METTL8: variants seen among roughly 807,000 people sequenced by gnomAD.
The protein encoded by METTL8 is tRNA N(3)-cytidine methyltransferase METTL8, mitochondrial.
In METTL8, 32 loss-of-function variants were observed where a neutral mutation model predicts 48.7. The ratio of observed to expected loss-of-function variants is 0.66; its 90% confidence interval spans 0.50 to 0.88. The LOEUF (loss-of-function observed/expected upper bound fraction) is 0.88, where lower values mean the gene tolerates loss of function less well. Among genes scored for constraint, METTL8 ranks in the 40% least tolerant of loss-of-function variants. The probability of loss-of-function intolerance (pLI) is 0.00; values close to 1 mark genes in which losing one functional copy is unlikely to be tolerated. For missense variants in METTL8, 464 were observed against 474.4 expected, an observed-to-expected ratio of 0.98 and a Z score of 0.20; for synonymous variants, 136 against 157.1, an observed-to-expected ratio of 0.87 and a Z score of 1.01.
chr2:171,340,698 G>T (rs1429931624), intron 3 of METTL8, among the ~76,000 whole-genome samples: 3 of 151,830 alleles, frequency 2.0e-5, no homozygotes, highest in South Asian at 4.2e-4. Context: ...GAGCTAAAAG[G>T]GTCCATTGGA....
At chr2:171,428,503 A>G (rs1692646489) in intron 1 of METTL8, among the ~76,000 whole-genome samples, 1 of 152,202 alleles carries the variant, frequency 6.6e-6, no homozygotes, top group East Asian at 1.9e-4. Flanking sequence ...TAAAAAAAAA[A>G]AAAGTACTTA....
At chr2:171,348,355 A>C (rs187209244) in intron 3 of METTL8, among the ~76,000 whole-genome samples, 10 of 152,318 alleles carry the variant, frequency 6.6e-5, no homozygotes, top group Non-Finnish European at 1.0e-4. Context: ...CAACACTGTG[A>C]CTATAGCTCA....
intron 2 of METTL8, among the ~76,000 whole-genome samples, chr2:171,388,155 C>T (rs1032019353): frequency 3.9e-5 from 6 of 152,204 alleles, no homozygotes; most frequent in Admixed American, 1.3e-4. Flanking sequence ...TCAGAGTCAA[C>T]TTCTTCCTTT....
intron 3 of METTL8, among the ~76,000 whole-genome samples, chr2:171,351,409 T>C (rs1380219571): frequency 2.0e-5 from 3 of 152,206 alleles, no homozygotes; most frequent in African/African-American, 7.2e-5. Flanking sequence ...TGCCTCCAGG[T>C]TTGCTCTTTT....
chr2:171,364,533 T>C (rs1685527798), intron 2 of METTL8, among the ~76,000 whole-genome samples: 1 of 152,174 alleles, frequency 6.6e-6, no homozygotes, highest in Admixed American at 6.5e-5. Flanking sequence ...GCCCTATAAT[T>C]TGTTTGTATA....
chr2:171,370,650 G>T (rs543512434), intron 2 of METTL8, among the ~76,000 whole-genome samples: 2 of 152,196 alleles, frequency 1.3e-5, no homozygotes, highest in South Asian at 4.1e-4. Context: ...AATTAGCCGG[G>T]TGTGGTGGTG....
chr2:171,327,307 T>A (rs75464002), intron 7 of METTL8, among the ~76,000 whole-genome samples: 1 of 152,232 alleles, frequency 6.6e-6, no homozygotes, highest in Non-Finnish European at 1.5e-5. Flanking sequence ...AGGGATGGCA[T>A]AGATTTCAGA....
At chr2:171,333,407 A>G (rs1685757211) in intron 5 of METTL8, among the ~76,000 whole-genome samples, 1 of 152,166 alleles carries the variant, frequency 6.6e-6, no homozygotes, top group South Asian at 2.1e-4. Context: ...CTCAGATTAT[A>G]TTCTTAAAGG....
intron 3 of METTL8, among the ~76,000 whole-genome samples, chr2:171,342,413 T>C (rs1268474946): frequency 5.9e-5 from 9 of 152,264 alleles, no homozygotes; most frequent in Non-Finnish European, 2.9e-5. Flanking sequence ...TCTGAAACTA[T>C]ATATTTGTCT....
intron 2 of METTL8, 48 bp from the exon 3 acceptor site, chr2:171,360,561 G>A (rs761080876): frequency 8.5e-6 from 13 of 1,525,968 alleles, no homozygotes; most frequent in Admixed American, 1.8e-5. Flanking sequence ...ATTGAAGAAG[G>A]CAGAAAAAAG....
At chr2:171,369,482 G>A (rs1331664541) in intron 2 of METTL8, among the ~76,000 whole-genome samples, 16 of 152,208 alleles carry the variant, frequency 1.1e-4, no homozygotes, top group Admixed American at 9.2e-4. Flanking sequence ...TTACACTTTT[G>A]GGAATATACA....
rs780873428 is a variant in METTL8, at chr2:171,339,480, G to A, written c.310C>T (p.Arg104Cys). ...GGAAATTCCCTCAACAGCCAATTAC[G>A]ATCCTTGAAAAACTTATTCTTATGA... is the stretch of plus-strand genomic sequence containing the variant. ...KIHKNKFFKD[R>C]NWLLREFPEI... The change falls in exon 4 of 10, where the codon CGT becomes TGT. Residue 104 changes from arginine (R) to cysteine (C), a missense_variant. By Grantham distance (180) the Arg-to-Cys change is radical. Transcript: ENST00000375258. 15 of 1,612,980 alleles carry A rather than the reference G, an allele frequency of 9.3e-6. No individual in the cohort carries two copies. Among genetic ancestry groups the A allele is most frequent in the South Asian group, 5.5e-5 (5 of 90,978 alleles).
intron 3 of METTL8, among the ~76,000 whole-genome samples, chr2:171,344,504 G>C (rs984197818): frequency 2.0e-5 from 3 of 152,146 alleles, no homozygotes; most frequent in Non-Finnish European, 4.4e-5. Context: ...CTTACAATCA[G>C]TGTAACTACA....
intron 1 of METTL8, among the ~76,000 whole-genome samples, chr2:171,419,479 A>G (rs1691661104): frequency 6.6e-6 from 1 of 152,116 alleles, no homozygotes. Flanking sequence ...TCCTATCATC[A>G]CCATCCAGTT....
chr2:171,381,488 A>G (rs539537854), intron 2 of METTL8, among the ~76,000 whole-genome samples: 5 of 152,316 alleles, frequency 3.3e-5, no homozygotes, highest in Non-Finnish European at 7.3e-5. Flanking sequence ...AATGGGAGAA[A>G]ATTTTTGCAA....
In METTL8 at chr2:171,320,571, G is replaced by C. The variant is rs1449645424; in HGVS notation, c.*3601C>G. The C allele has an allele frequency of 2.0e-5, 3 of 152,214 alleles. No homozygotes were observed. The highest frequency in any genetic ancestry group is 2.9e-5 in the Non-Finnish European group (2 of 68,042). 9.4% of individuals were successfully genotyped at this position (152,214 alleles called of 1,614,324 possible). On this transcript the variant is annotated 3_prime_UTR_variant, in exon 10 of 10. Transcript: ENST00000375258. ...TTTAAACGGAGACACAAGGAGATCT[G>C]CTGGGGTTCCCATAGCAACATTAAC...
At position 171,391,679 on chromosome 2, in the gene METTL8, C is replaced by T. The variant is rs141362490; in HGVS notation, c.143+364G>A. 1.4e-3 allele frequency among the ~76,000 whole-genome samples: 213 copies of T among 152,218 alleles called. 4 individuals are homozygous for T. The East Asian group carries it at 0.015, about 10-fold the overall frequency. On this transcript the variant is annotated intron_variant, in intron 2 of 9. Transcript: ENST00000375258. ...AGACACAGGTACTGATCTGCATTTG[C>T]TGGATGACAAGTATGAAAAAGAGGG...
intron 2 of METTL8, among the ~76,000 whole-genome samples, chr2:171,370,694 G>A (rs573701223): frequency 1.3e-5 from 2 of 152,292 alleles, no homozygotes; most frequent in African/African-American, 4.8e-5. Flanking sequence ...GGGAGGCTGA[G>A]GCAGGAGAAT....
rs779057728 is a variant in METTL8 at position 171,330,576 on chromosome 2, A to G, written c.843T>C (p.Ser281=). ...TCATTTACCTGTCAGGATGAATAGAAGAGAGCACAAAGACAAGGAGAATGA... is the reference window on the plus strand; with the variant it reads ...TCATTTACCTGTCAGGATGAATAGAGGAGAGCACAAAGACAAGGAGAATGA... The part of the protein sequence containing the change: ...LDVILLVFVL[S]SIHPDRMQGV... The change falls in exon 7 of 10, where the codon TCT becomes TCC. Residue 281 remains serine, a synonymous_variant. Coordinates refer to ENST00000375258, the MANE Select transcript of METTL8 (RefSeq NM_001321154.2). The G allele has an allele frequency of 1.2e-6, 2 of 1,613,950 alleles. No homozygotes were observed. The highest frequency in any genetic ancestry group is 1.7e-6 in the Non-Finnish European group (2 of 1,179,914).
Sources: gnomAD v4.1 joint callset for allele counts (sites outside exome capture counted in the v4.1 genomes callset) on GRCh38, gnomAD v4.1.1 for gene constraint, MANE v1.5 for transcripts, NCBI Gene and HGNC (gene_info 2026-07-23, HGNC 2026-07-21) for gene names.